ZNF609: variants seen among roughly 807,000 people sequenced by gnomAD.
ZNF609 encodes the protein zinc finger protein 609.
A neutral mutation model predicts 109.5 loss-of-function variants in ZNF609; 11 were observed. The ratio of observed to expected loss-of-function variants is 0.10; its 90% CI spans 0.06 to 0.17. ZNF609 has a LOEUF of 0.17. Ranked by LOEUF, ZNF609 falls within the 10% of genes least tolerant of loss-of-function variation. The pLI is 1.00. For synonymous variants in ZNF609, 646 were observed against 662.0 expected (o/e 0.98, Z 0.37); for missense variants, 1,559 against 1,772.4 (o/e 0.88, Z 2.16).
intron 3 of ZNF609, among the ~76,000 whole-genome samples, chr15:64,635,985 G>A (rs1896167760): frequency 6.6e-6 from 1 of 152,052 alleles, no homozygotes; most frequent in African/African-American, 2.4e-5. Context: ...TATAATTTAG[G>A]CAGCTGGAGA....
intron 2 of ZNF609, chr15:64,529,349 C>A (rs756080741): frequency 1.6e-5 from 12 of 730,402 alleles, no homozygotes; most frequent in Non-Finnish European, 1.0e-5. Context: ...GAGCCCCAGC[C>A]TTCTCCATGG....
intron 2 of ZNF609, among the ~76,000 whole-genome samples, chr15:64,592,689 G>C (rs754669144): frequency 6.6e-6 from 1 of 151,646 alleles, no homozygotes; most frequent in African/African-American, 2.4e-5. Flanking sequence ...GGCCAAAGCA[G>C]GCAGATCACC....
At position 64,678,142 on chromosome 15, in the gene ZNF609, T is replaced by C. The variant is rs539778580; in HGVS notation, c.3429T>C (p.Tyr1143=). The C allele has an allele frequency of 4.4e-5, 71 of 1,613,980 alleles. 1 individual carries two copies. The highest frequency in any genetic ancestry group is 1.7e-4 in the Admixed American group (10 of 60,004). ...RQEAEPRMWT[Y]VYPAKYSDIK... ...AGGCAGAGCCCCGGATGTGGACATA[T>C]GTTTATCCTGCCAAGTACTCAGACA... is the stretch of plus-strand genomic sequence containing the variant. The change falls in exon 6 of 10, where the codon TAT becomes TAC. Residue 1143 remains tyrosine, a synonymous_variant. Transcript: ENST00000326648.
In ZNF609 at chr15:64,563,773, TCAAAACAAAACAAAA is replaced by T. The variant is rs370070824; in HGVS notation, c.748-59033_748-59019del. Among the ~76,000 whole-genome samples the T allele has an allele frequency of 6.6e-5, 10 of 151,168 alleles. No homozygotes were observed. The South Asian group carries it at 1.3e-3, about 19-fold the overall frequency. ...TGGGCAACGAGAGCGAAACTCTGTC[TCAAAACAAAACAAAA>T]CAAAACAAAACAAAACAAAAAAACC... On this transcript the variant is annotated intron_variant, in intron 2 of 9. Coordinates refer to ENST00000326648, the MANE Select transcript of ZNF609 (RefSeq NM_015042.2).
intron 3 of ZNF609, among the ~76,000 whole-genome samples, chr15:64,658,275 G>T (rs552086230): frequency 3.3e-5 from 5 of 151,694 alleles, no homozygotes; most frequent in Admixed American, 3.3e-4. Flanking sequence ...TCGGCTCACC[G>T]CAACCTCCGC....
At position 64,673,941 on chromosome 15, in the gene ZNF609, C is replaced by T. The variant is rs762446273; in HGVS notation, c.1087C>T (p.Leu363=). The T allele has an allele frequency of 3.1e-6, 5 of 1,612,332 alleles. No homozygotes were observed. Among genetic ancestry groups the T allele is most frequent in the East Asian group, 2.2e-5 (1 of 44,848 alleles). ...GTTCTGTGACTCCCCGACCAGTGAC[C>T]TGGAAATGCGCAATGGCCGGGGTAG... ...PRFCDSPTSD[L]EMRNGRGRGK... The change falls in exon 5 of 10, where the codon CTG becomes TTG. Residue 363 remains leucine (L), a synonymous_variant. Transcript: ENST00000326648.
intron 3 of ZNF609, among the ~76,000 whole-genome samples, chr15:64,624,891 T>C (rs868679904): frequency 1.5e-4 from 23 of 151,710 alleles, no homozygotes; most frequent in South Asian, 6.2e-4. Context: ...TCCTGAGTAG[T>C]GGGGACTACA....
chr15:64,563,768 C>G (rs1894727202), intron 2 of ZNF609, among the ~76,000 whole-genome samples: 1 of 150,962 alleles, frequency 6.6e-6, no homozygotes, highest in Admixed American at 6.6e-5. Flanking sequence ...GAGCGAAACT[C>G]TGTCTCAAAA....
At chr15:64,540,124 A>G (rs1894226190) in intron 2 of ZNF609, among the ~76,000 whole-genome samples, 1 of 152,132 alleles carries the variant, frequency 6.6e-6, no homozygotes, top group Non-Finnish European at 1.5e-5. Context: ...TGTATCTTCT[A>G]TATCTTATGT....
chr15:64,518,023 C>T (rs926906525), intron 2 of ZNF609, among the ~76,000 whole-genome samples: 7 of 152,142 alleles, frequency 4.6e-5, no homozygotes, highest in Admixed American at 1.3e-4. Flanking sequence ...CTCAAGTGAT[C>T]CACCCGCCAT....
chr15:64,660,505 C>T (rs1241915201), intron 3 of ZNF609, among the ~76,000 whole-genome samples: 1 of 152,158 alleles, frequency 6.6e-6, no homozygotes, highest in East Asian at 1.9e-4. Flanking sequence ...TCTTTTTCTA[C>T]TATAAGAGTT....
At chr15:64,564,058 A>C (rs974400988) in intron 2 of ZNF609, among the ~76,000 whole-genome samples, 4 of 150,904 alleles carry the variant, frequency 2.7e-5, no homozygotes, top group Non-Finnish European at 5.9e-5. Context: ...CTAAATTTTA[A>C]ATTGTGCCTC....
intron 3 of ZNF609, among the ~76,000 whole-genome samples, chr15:64,646,396 C>T (rs953126960): frequency 1.3e-5 from 2 of 151,826 alleles, no homozygotes; most frequent in African/African-American, 4.8e-5. Context: ...TTTGGGAGGC[C>T]GAGGTGGGTG....
At chr15:64,591,430 AAAAC>A (rs367966675) in intron 2 of ZNF609, among the ~76,000 whole-genome samples, 141 of 152,104 alleles carry the variant, frequency 9.3e-4, no homozygotes, top group Middle Eastern at 3.4e-3. Flanking sequence ...TCTATCTCAA[AAAAC>A]AAACAAACAA....
chr15:64,466,147 G>A (rs2140327051), intron 1 of ZNF609, among the ~76,000 whole-genome samples: 1 of 150,064 alleles, frequency 6.7e-6, no homozygotes, highest in Admixed American at 6.7e-5. Context: ...AAAGTTAGCG[G>A]GGGGTATAGC....
At chr15:64,653,549 G>C (rs551134026) in intron 3 of ZNF609, among the ~76,000 whole-genome samples, 235 of 152,284 alleles carry the variant, frequency 1.5e-3, no homozygotes, top group African/African-American at 5.5e-3. Context: ...GGGAGGCTGA[G>C]GCAGGAGAAA....
intron 3 of ZNF609, chr15:64,653,967 G>T (rs964554586): frequency 6.6e-6 from 1 of 152,082 alleles, no homozygotes; most frequent in African/African-American, 2.4e-5. Flanking sequence ...AGACAATATG[G>T]TTACTCCAGC....
intron 2 of ZNF609, among the ~76,000 whole-genome samples, chr15:64,545,815 T>C (rs1376065358): frequency 6.6e-6 from 1 of 152,198 alleles, no homozygotes; most frequent in African/African-American, 2.4e-5. Context: ...TCCTTGGAAG[T>C]TGTCTATGTT....
chr15:64,588,575 G>C (rs1368714614), intron 2 of ZNF609, among the ~76,000 whole-genome samples: 2 of 151,488 alleles, frequency 1.3e-5, no homozygotes, highest in East Asian at 3.9e-4. Context: ...AAACTCCTGG[G>C]CTCAGGTGGT....
Sources: gnomAD v4.1 joint callset for allele counts (sites outside exome capture counted in the v4.1 genomes callset) on GRCh38, gnomAD v4.1.1 for gene constraint, MANE v1.5 for transcripts, NCBI Gene and HGNC (gene_info 2026-07-23, HGNC 2026-07-21) for gene names.